Variants in KAZN observed in about 807,000 individuals in gnomAD.
KAZN encodes the protein kazrin.
In KAZN, 40 loss-of-function variants were observed where a neutral mutation model predicts 87.4. The observed-to-expected ratio is 0.46, with a 90% CI of 0.36 to 0.60. The LOEUF (loss-of-function observed/expected upper bound fraction) is 0.60, where lower values mean the gene tolerates loss of function less well. KAZN is among the 20% of genes least tolerant of loss of function. The probability of loss-of-function intolerance (pLI) is 0.00; values close to 1 mark genes in which losing one functional copy is unlikely to be tolerated. For missense variants in KAZN, 898 were observed against 1,073.9 expected (o/e 0.84, Z 2.29); for synonymous variants, 466 against 458.3 (o/e 1.02, Z -0.22).
chr1:14,231,374 AGAAGGGGGAGG>A (rs1400569359), intron 2 of KAZN, among the ~76,000 whole-genome samples: 5 of 132,722 alleles, frequency 3.8e-5, no homozygotes, highest in Non-Finnish European at 6.3e-5. Context: ...AAGTGTAGCC[AGAAGGGGGAGG>A]CTCTATCTCA....
rs1020565706 is a variant in KAZN at position 14,470,507 on chromosome 1, T to C, written c.250-128476T>C. On this transcript the variant is annotated intron_variant, in intron 2 of 16. Coordinates refer to the KAZN transcript ENST00000636203. ...TGTCAATTACAGTGGGCAGTTTTCT[T>C]GGGACAAAATGTTGCACTAAGTGAA... Among the ~76,000 whole-genome samples, 32 of 152,218 alleles carry C rather than the reference T, an allele frequency of 2.1e-4. 1 individual carries two copies. Among genetic ancestry groups the C allele is most frequent in the Non-Finnish European group, 2.9e-5 (2 of 68,038 alleles).
At chr1:14,775,408 G>A (rs1645146703) in intron 1 of KAZN, among the ~76,000 whole-genome samples, 1 of 152,222 alleles carries the variant, frequency 6.6e-6, no homozygotes, top group South Asian at 2.1e-4. Context: ...CGTCAGGTTT[G>A]ATGAAGACAC....
At position 14,025,168 on chromosome 1, in the gene KAZN, G is replaced by T. The variant is rs1423863876; in HGVS notation, c.91+131412G>T. ...GACATTTTTTGCATCTGAATTTGGA[G>T]GCTGGGGTGGCCAAGAATATGAATA... On this transcript the variant is annotated intron_variant, in intron 1 of 16. Coordinates refer to the KAZN transcript ENST00000636203. 2.0e-5 allele frequency among the ~76,000 whole-genome samples: 3 copies of T among 152,190 alleles called. No homozygotes were observed. The East Asian group carries it at 5.8e-4, about 29-fold the overall frequency.
rs1646919904 is a variant in KAZN, at chr1:14,827,310, G to A, written c.227-133374G>A. Reference sequence around the variant, plus strand: ...GGGTACAGGTGGCATTTGGTTGCATGAGTACGTTCTTTAGTGGTGATTTGT... The same window carrying A: ...GGGTACAGGTGGCATTTGGTTGCATAAGTACGTTCTTTAGTGGTGATTTGT... On this transcript the variant is annotated intron_variant, in intron 1 of 14. Coordinates refer to ENST00000376030, the MANE Select transcript of KAZN (RefSeq NM_201628.3). Among the ~76,000 whole-genome samples the A allele has an allele frequency of 2.6e-5, 4 of 152,300 alleles. No homozygotes were observed. In the South Asian group the frequency reaches 6.2e-4, roughly 24 times the overall value.
chr1:14,416,837 T>A (rs182317606), intron 2 of KAZN, among the ~76,000 whole-genome samples: 3 of 152,096 alleles, frequency 2.0e-5, no homozygotes, highest in Admixed American at 1.3e-4. Flanking sequence ...TGCTTGTAAT[T>A]CCAGCACTTT....
chr1:14,180,169 A>T (rs938216622), intron 1 of KAZN, among the ~76,000 whole-genome samples: 1 of 152,064 alleles, frequency 6.6e-6, no homozygotes, highest in African/African-American at 2.4e-5. Flanking sequence ...TAGATACTCC[A>T]TGAAGGTAGG....
intron 2 of KAZN, among the ~76,000 whole-genome samples, chr1:14,415,733 G>C (rs1433842436): frequency 6.6e-6 from 1 of 152,170 alleles, no homozygotes; most frequent in East Asian, 1.9e-4. Context: ...GTAGTAGTAA[G>C]TAGGACATTT....
intron 1 of KAZN, among the ~76,000 whole-genome samples, chr1:14,910,267 G>A (rs1048080706): frequency 1.4e-4 from 21 of 152,200 alleles, no homozygotes; most frequent in East Asian, 1.9e-4. Flanking sequence ...GCGAGTGAGC[G>A]CTCCATATCC....
At chr1:14,013,470 G>A (rs1640416336) in intron 1 of KAZN, among the ~76,000 whole-genome samples, 1 of 152,118 alleles carries the variant, frequency 6.6e-6, no homozygotes, top group Admixed American at 6.5e-5. Context: ...TTTCTGTTGT[G>A]TTGTTTTGCT....
intron 1 of KAZN, among the ~76,000 whole-genome samples, chr1:14,718,005 T>C (rs1442255710): frequency 6.6e-6 from 1 of 152,200 alleles, no homozygotes; most frequent in Non-Finnish European, 1.5e-5. Flanking sequence ...GCTTCCCCCA[T>C]TGAGCCTGGC....
chr1:14,593,312 A>G (rs890738898), intron 2 of KAZN, among the ~76,000 whole-genome samples: 1 of 152,226 alleles, frequency 6.6e-6, no homozygotes, highest in African/African-American at 2.4e-5. Context: ...TCAATCAACC[A>G]CAAACTCTTT....
intron 1 of KAZN, among the ~76,000 whole-genome samples, chr1:14,093,297 C>T (rs921733081): frequency 2.0e-5 from 3 of 152,192 alleles, no homozygotes; most frequent in Non-Finnish European, 4.4e-5. Flanking sequence ...GGCTGGCTCT[C>T]TTTCCTTTAG....
intron 1 of KAZN, among the ~76,000 whole-genome samples, chr1:14,164,574 CTT>C (rs1645782086): frequency 9.5e-6 from 1 of 104,850 alleles, no homozygotes; most frequent in Non-Finnish European, 1.8e-5. Context: ...GAGTTTTGCT[CTT>C]GTTGCCCAGA....
intron 2 of KAZN, among the ~76,000 whole-genome samples, chr1:14,359,964 T>C (rs1659368360): frequency 6.6e-6 from 1 of 152,246 alleles, no homozygotes; most frequent in Non-Finnish European, 1.5e-5. Flanking sequence ...CTGTATTTCC[T>C]GAATTTGGAT....
intron 1 of KAZN, among the ~76,000 whole-genome samples, chr1:13,897,880 T>C (rs1482264511): frequency 6.6e-6 from 1 of 152,212 alleles, no homozygotes; most frequent in Admixed American, 6.5e-5. Context: ...TCTCACTTAA[T>C]AGTCCTGTGA....
At chr1:14,508,841 A>T (rs1670752504) in intron 2 of KAZN, among the ~76,000 whole-genome samples, 3 of 152,214 alleles carry the variant, frequency 2.0e-5, no homozygotes, top group Admixed American at 2.0e-4. Flanking sequence ...AGCCTGGAGG[A>T]TATTTAAGGA....
At chr1:15,079,087 C>G (rs927971574) in intron 8 of KAZN, among the ~76,000 whole-genome samples, 1 of 152,134 alleles carries the variant, frequency 6.6e-6, no homozygotes, top group Non-Finnish European at 1.5e-5. Context: ...TAGAAGACAG[C>G]ACCTCCAATC....
intron 7 of KAZN, among the ~76,000 whole-genome samples, chr1:15,064,776 CTG>C (rs973368669): frequency 6.6e-6 from 1 of 152,236 alleles, no homozygotes. Context: ...GCCCATGTCA[CTG>C]TGTGCTTAGT....
At chr1:14,007,164 A>AT (rs1315943720) in intron 1 of KAZN, among the ~76,000 whole-genome samples, 1 of 152,030 alleles carries the variant, frequency 6.6e-6, no homozygotes, top group Non-Finnish European at 1.5e-5. Flanking sequence ...AATGCAGCTG[A>AT]TTTTTGTGGG....
Sources: gnomAD v4.1 joint callset for allele counts (sites outside exome capture counted in the v4.1 genomes callset) on GRCh38, gnomAD v4.1.1 for gene constraint, MANE v1.5 for transcripts, NCBI Gene and HGNC (gene_info 2026-07-23, HGNC 2026-07-21) for gene names.